The following VPS39 variants were observed in gnomAD, a reference collection of about 807,000 sequenced individuals.
The protein encoded by VPS39 is vam6/Vps39-like protein.
In VPS39, 70 loss-of-function variants were observed where a neutral mutation model predicts 121.0. That is an observed-to-expected ratio of 0.58 (90% CI 0.48 to 0.71). The LOEUF is 0.71. Among genes scored for constraint, VPS39 ranks in the 30% least tolerant of loss-of-function variants. The probability of loss-of-function intolerance (pLI) is 0.00; values close to 1 mark genes in which losing one functional copy is unlikely to be tolerated. For missense variants in VPS39, 818 were observed against 1,051.5 expected, an observed-to-expected ratio of 0.78 and a Z score of 3.07; for synonymous variants, 378 against 398.1, an observed-to-expected ratio of 0.95 and a Z score of 0.60.
intron 4 of VPS39, among the ~76,000 whole-genome samples, chr15:42,190,163 C>T (rs1210694434): frequency 1.3e-5 from 2 of 152,100 alleles, no homozygotes; most frequent in Non-Finnish European, 2.9e-5. Flanking sequence ...TATTATGATG[C>T]AGTATTTATA....
chr15:42,187,024 A>G (rs961826856), intron 7 of VPS39, among the ~76,000 whole-genome samples: 3 of 152,240 alleles, frequency 2.0e-5, no homozygotes, highest in Non-Finnish European at 4.4e-5. Context: ...ATCTGTCCCA[A>G]TAGTAAAATA....
At position 42,189,223 on chromosome 15, in the gene VPS39, G is replaced by A. The variant is rs2049770402; in HGVS notation, c.248-15C>T. 3 of 1,589,174 alleles carry A rather than the reference G, an allele frequency of 1.9e-6. No individual in the cohort carries two copies. Among genetic ancestry groups the A allele is most frequent in the Non-Finnish European group, 2.6e-6 (3 of 1,157,880 alleles). The stretch of plus-strand genomic sequence containing the variant: ...AATGTTATTTTCTGTTTGGGAGGAG[G>A]TATAACATCAGGATCAATGATCATA... On this transcript the variant is annotated splice_polypyrimidine_tract_variant and intron_variant, in intron 4 of 24. Transcript: ENST00000318006.
chr15:42,199,799 C>A, intron 2 of VPS39, 97 bp downstream of exon 2: 3 of 1,359,512 alleles, frequency 2.2e-6, no homozygotes, highest in East Asian at 5.0e-5. Context: ...CTCTAACCTT[C>A]AATCTCTCTT....
At chr15:42,191,773 A>G (rs2049832657) in intron 2 of VPS39, among the ~76,000 whole-genome samples, 1 of 152,168 alleles carries the variant, frequency 6.6e-6, no homozygotes, top group Non-Finnish European at 1.5e-5. Context: ...ATGCACCTTC[A>G]CTCGGCATCA....
intron 2 of VPS39, chr15:42,192,025 C>T (rs2049838098): frequency 6.5e-7 from 1 of 1,535,050 alleles, no homozygotes; most frequent in Non-Finnish European, 8.7e-7. Context: ...ACACTCAAAC[C>T]CATCTCCAGA....
Position 42,186,011 on chromosome 15 carries a change from G to A in VPS39, c.534+1260C>T, listed in dbSNP as rs1403934790. Among the ~76,000 whole-genome samples the A allele has an allele frequency of 3.9e-5, 6 of 152,156 alleles. No homozygotes were observed. The South Asian group carries it at 1.0e-3, about 26-fold the overall frequency. ...TGCTCAGTTCCCTTATTCCTTGTGC[G>A]CTCTCTCACCATCTGTAGGCCTACT... is the stretch of plus-strand genomic sequence containing the variant. On this transcript the variant is annotated intron_variant, in intron 7 of 24. Transcript: ENST00000318006.
intron 10 of VPS39, among the ~76,000 whole-genome samples, 183 bp from the exon 11 acceptor site, chr15:42,174,035 C>T (rs1418660711): frequency 6.6e-6 from 1 of 152,118 alleles, no homozygotes; most frequent in Non-Finnish European, 1.5e-5. Flanking sequence ...ATCACAAGGT[C>T]AGGAGATTGA....
At chr15:42,170,198 C>A (rs933442584) in intron 11 of VPS39, among the ~76,000 whole-genome samples, 1 of 151,608 alleles carries the variant, frequency 6.6e-6, no homozygotes. Flanking sequence ...GATCAAGAGA[C>A]TCAACAATAA....
intron 16 of VPS39, 96 bp downstream of exon 16, chr15:42,166,058 GACAGA>G: frequency 8.1e-7 from 1 of 1,230,000 alleles, no homozygotes; most frequent in Non-Finnish European, 1.2e-6. Context: ...CACCAATGAA[GACAGA>G]TGCATGAATC....
intron 16 of VPS39, 55 bp downstream of exon 16, chr15:42,166,104 G>T: frequency 1.3e-6 from 2 of 1,523,894 alleles, no homozygotes; most frequent in Non-Finnish European, 1.8e-6. Context: ...GCTGTCTCAA[G>T]TGCAATCAGA....
At chr15:42,197,393 A>G (rs556009238) in intron 2 of VPS39, among the ~76,000 whole-genome samples, 3 of 150,426 alleles carry the variant, frequency 2.0e-5, no homozygotes, top group African/African-American at 7.4e-5. Context: ...AAAAAAAAAA[A>G]GATACAAAAA....
Position 42,160,819 on chromosome 15 carries a change from T to C in VPS39, c.2563A>G (p.Arg855Gly), listed in dbSNP as rs1040563163. The change falls in exon 25 of 25, where the codon AGA becomes GGA. Residue 855 changes from arginine to glycine, a missense_variant. Transcript: ENST00000318006. ...TGGACGACCACTCCATTGGGGTATC[T>C]TGCAAATGCACTGCAGGGAAGAAAA... Reference protein sequence around the residue: ...KKKIGNSAFARYPNGVVVHYF... With the variant: ...KKKIGNSAFAGYPNGVVVHYF... 3 of 1,614,008 alleles carry C rather than the reference T, an allele frequency of 1.9e-6. No individual in the cohort carries two copies. The highest frequency in any genetic ancestry group is 2.5e-6 in the Non-Finnish European group (3 of 1,179,978).
intron 11 of VPS39, among the ~76,000 whole-genome samples, chr15:42,170,982 T>G (rs1180964833): frequency 6.6e-6 from 1 of 152,064 alleles, no homozygotes; most frequent in Non-Finnish European, 1.5e-5. Context: ...AATCCTCTTC[T>G]CTTTGGTCTC....
Position 42,167,545 on chromosome 15 carries a change from G to A in VPS39, c.1234-8C>T. 1 of 1,613,868 alleles carries A rather than the reference G, an allele frequency of 6.2e-7. No individual in the cohort carries two copies. The highest frequency in any genetic ancestry group is 8.5e-7 in the Non-Finnish European group (1 of 1,179,894). On this transcript the variant is annotated splice_polypyrimidine_tract_variant and splice_region_variant and intron_variant, in intron 12 of 24. Coordinates refer to ENST00000318006, the MANE Select transcript of VPS39 (RefSeq NM_015289.5). ...TACCAATTGACTTCGTTTCTGCAAA[G>A]GTCAAAATGTGGGGTTAAGGCCAGG...
rs2049735540 is a variant in VPS39, at chr15:42,187,807, T to C, written c.392A>G (p.Lys131Arg). The C allele has an allele frequency of 2.5e-6, 4 of 1,614,164 alleles. No individual in the cohort carries two copies. In the East Asian group the frequency reaches 6.7e-5, roughly 27 times the overall value. ...CTTCCAGAAATAGAGCTGCAGCTTC[T>C]TTTTTACTGCCACACACATCCGTAA... The part of the protein sequence containing the change: ...EVLRMCVAVK[K>R]KLQLYFWKDR... The change falls in exon 6 of 25, where the codon AAG becomes AGG. Residue 131 changes from lysine to arginine, a missense_variant. Lys to Arg is a conservative substitution (Grantham distance 26). Coordinates refer to ENST00000318006, the MANE Select transcript of VPS39 (RefSeq NM_015289.5).
chr15:42,206,122 C>T (rs567715483), intron 1 of VPS39, among the ~76,000 whole-genome samples: 35 of 152,288 alleles, frequency 2.3e-4, no homozygotes, highest in Admixed American at 1.9e-3. Context: ...AGAAAGAAAT[C>T]ATCCTCATCA....
chr15:42,208,027 A>T (rs2050211818), intron 1 of VPS39, 54 bp downstream of exon 1: 1 of 1,544,628 alleles, frequency 6.5e-7, no homozygotes, highest in Non-Finnish European at 8.8e-7. Context: ...CTCAGAAAAG[A>T]TCCGGACCGC....
Position 42,162,178 on chromosome 15 carries a change from A to G in VPS39, c.2326-12T>C. The stretch of plus-strand genomic sequence containing the variant: ...AGAAGGTTGAGGGCCTAGGGACAGG[A>G]ACAGAGATAGGGACTGGGTGAGGTG... On this transcript the variant is annotated splice_polypyrimidine_tract_variant and intron_variant, in intron 22 of 24. Coordinates refer to ENST00000318006, the MANE Select transcript of VPS39 (RefSeq NM_015289.5). 1.2e-6 allele frequency: 2 copies of G among 1,614,144 alleles called. No homozygotes were observed. The highest frequency in any genetic ancestry group is 8.5e-7 in the Non-Finnish European group (1 of 1,180,008).
chr15:42,196,901 A>C (rs1298381993), intron 2 of VPS39, among the ~76,000 whole-genome samples: 2 of 152,126 alleles, frequency 1.3e-5, no homozygotes, highest in Non-Finnish European at 2.9e-5. Context: ...ACTGTTCACA[A>C]GAGCAAAGAC....
Sources: allele counts gnomAD v4.1 joint callset (sites outside exome capture counted in the v4.1 genomes callset), GRCh38; gene constraint gnomAD v4.1.1; transcripts MANE v1.5; gene names NCBI Gene and HGNC (gene_info 2026-07-23, HGNC 2026-07-21).